GAS6: variants seen among roughly 807,000 people sequenced by gnomAD.
The protein encoded by GAS6 is growth arrest specific 6.
GAS6 carries 41 observed loss-of-function variants against 75.8 expected under a neutral mutation model. That is an observed-to-expected ratio of 0.54 (90% CI 0.42 to 0.70). The LOEUF (loss-of-function observed/expected upper bound fraction) is 0.70. GAS6 is among the 30% of genes least tolerant of loss of function. The probability of loss-of-function intolerance (pLI) is 0.00; values close to 1 mark genes in which losing one functional copy is unlikely to be tolerated. For synonymous variants in GAS6, 432 were observed against 412.6 expected, an observed-to-expected ratio of 1.05 and a Z score of -0.57; for missense variants, 854 against 940.2, an observed-to-expected ratio of 0.91 and a Z score of 1.20.
At position 113,828,126 on chromosome 13, in the gene GAS6, T is replaced by C. The variant is rs375490949; in HGVS notation, c.1308+421A>G. On this transcript the variant is annotated intron_variant, in intron 11 of 14. Transcript: ENST00000327773. ...AAAATACAAAAAAATTAGCCGGACG[T>C]GGTGGCGGGCGCCTGTAGTCCCAGC... Among the ~76,000 whole-genome samples, 76 of 151,962 alleles carry C rather than the reference T, an allele frequency of 5.0e-4. 1 individual carries two copies. In the East Asian group the frequency reaches 9.9e-3, roughly 20 times the overall value.
In GAS6 at chr13:113,821,818, C is replaced by T; in HGVS notation, c.1882+140G>A. On this transcript the variant is annotated intron_variant, in intron 14 of 14. Transcript: ENST00000327773. ...AATAGCCACTAACGACCCACCTGGA[C>T]TTCTCCTTCCTCTTAAAACACAAGT... 4 of 660,156 alleles carry T rather than the reference C, an allele frequency of 6.1e-6. No homozygotes were observed. In the South Asian group the frequency reaches 8.4e-5, roughly 14 times the overall value. 40.9% of individuals were successfully genotyped at this position (660,156 alleles called of 1,614,324 possible). A position where few individuals can be genotyped will look rare whatever the true frequency, so the allele number is the denominator to read the frequency against.
intron 14 of GAS6, chr13:113,821,282 A>C: frequency 1.9e-6 from 1 of 519,748 alleles, no homozygotes; most frequent in Non-Finnish European, 3.5e-6. Flanking sequence ...GTTAAACGTG[A>C]TCTTCTTCTG....
At chr13:113,824,578 G>A (rs1320651188) in intron 12 of GAS6, among the ~76,000 whole-genome samples, 1 of 152,202 alleles carries the variant, frequency 6.6e-6, no homozygotes. Flanking sequence ...CCAAAGTCCT[G>A]ATAAAGAAGC....
At chr13:113,862,158 T>C (rs2051976497) in intron 2 of GAS6, among the ~76,000 whole-genome samples, 1 of 152,170 alleles carries the variant, frequency 6.6e-6, no homozygotes, top group Non-Finnish European at 1.5e-5. Flanking sequence ...GCACAGTACA[T>C]CCAGGCAGCG....
rs1237079905 is a variant in GAS6, at chr13:113,845,919, G to A, written c.343+608C>T. On this transcript the variant is annotated intron_variant, in intron 4 of 14. Coordinates refer to ENST00000327773, the MANE Select transcript of GAS6 (RefSeq NM_000820.4). The surrounding 1 kb of genome is among the most constrained non-coding windows in gnomAD (Gnocchi z 4.3). ...AAGGAAACATGAGGACTGCCTCTGC[G>A]ATTCCATCCTTGGGAACGCATCCCG... Among the ~76,000 whole-genome samples, 2 of 152,222 alleles carry A rather than the reference G, an allele frequency of 1.3e-5. No homozygotes were observed. The highest frequency in any genetic ancestry group is 4.8e-5 in the African/African-American group (2 of 41,446).
At chr13:113,847,775 C>G (rs984383201) in intron 3 of GAS6, 4 of 523,214 alleles carry the variant, frequency 7.6e-6, no homozygotes, top group African/African-American at 1.9e-5. Flanking sequence ...AGCCTGGCAT[C>G]AACTCAGAGA....
chr13:113,839,955 G>A, intron 4 of GAS6, 105 bp from the exon 5 acceptor site: 2 of 1,544,596 alleles, frequency 1.3e-6, no homozygotes, highest in Admixed American at 1.8e-5. Flanking sequence ...CCAGCCCGGA[G>A]GAGCTCTGAG....
chr13:113,839,698 G>C (rs2051755188), intron 5 of GAS6, 30 bp downstream of exon 5: 1 of 1,610,522 alleles, frequency 6.2e-7, no homozygotes, highest in South Asian at 1.1e-5. Flanking sequence ...GATGGAGGGA[G>C]ACCCCGCCTT....
At chr13:113,860,878 G>A (rs1049207191) in intron 2 of GAS6, among the ~76,000 whole-genome samples, 1 of 152,166 alleles carries the variant, frequency 6.6e-6, no homozygotes, top group Non-Finnish European at 1.5e-5. Flanking sequence ...CTTAGTATCC[G>A]CCTGCTGGAA....
At chr13:113,852,421 G>A (rs1242124019) in intron 2 of GAS6, among the ~76,000 whole-genome samples, 4 of 152,214 alleles carry the variant, frequency 2.6e-5, no homozygotes, top group African/African-American at 9.6e-5. Flanking sequence ...GGTTTCGTAA[G>A]CATGGAGGAA....
At chr13:113,852,668 G>T (rs1305224257) in intron 2 of GAS6, among the ~76,000 whole-genome samples, 1 of 151,728 alleles carries the variant, frequency 6.6e-6, no homozygotes, top group Non-Finnish European at 1.5e-5. Context: ...GTCCACCTCC[G>T]CCCCTGCCCT....
In GAS6 at chr13:113,844,523, G is replaced by T. The variant is rs1297511109; in HGVS notation, c.343+2004C>A. The T allele has an allele frequency of 6.6e-6, 1 of 150,624 alleles. No individual in the cohort carries two copies. Among genetic ancestry groups the T allele is most frequent in the African/African-American group, 2.5e-5 (1 of 40,010 alleles). 9.3% of individuals were successfully genotyped at this position (150,624 alleles called of 1,614,324 possible). On this transcript the variant is annotated intron_variant, in intron 4 of 14. Transcript: ENST00000327773. The surrounding 1 kb of genome is among the most constrained non-coding windows in gnomAD (Gnocchi z 5.7). ...ACAGGACGGTGCCGGGGTTAGGAAA[G>T]CGCAACACTGTTCAGACACAGTCTC...
chr13:113,846,560 T>C lies in GAS6; in HGVS notation c.310A>G (p.Thr104Ala). The C allele has an allele frequency of 6.2e-7, 1 of 1,613,972 alleles. No homozygotes were observed. The highest frequency in any genetic ancestry group is 8.5e-7 in the Non-Finnish European group (1 of 1,179,986). The change falls in exon 4 of 15, where the codon ACC (threonine) becomes GCC (alanine). Residue 104 changes from threonine (T) to alanine (A), a missense_variant. By Grantham distance (58) the Thr-to-Ala change is moderately conservative (BLOSUM62 0). Coordinates refer to ENST00000327773, the MANE Select transcript of GAS6 (RefSeq NM_000820.4). ...CAGGTGGCGAAGCCTGAGTTTTTGGTGTACGGAGACCCATACTTGTTGATG... is the reference window on the plus strand; with the variant it reads ...CAGGTGGCGAAGCCTGAGTTTTTGGCGTACGGAGACCCATACTTGTTGATG... Reference protein sequence around the residue: ...DCINKYGSPYTKNSGFATCVQ... With the variant: ...DCINKYGSPYAKNSGFATCVQ...
Position 113,842,486 on chromosome 13 carries a change from G to A in GAS6, c.344-2636C>T, listed in dbSNP as rs979311965. 5.6e-5 allele frequency: 22 copies of A among 395,682 alleles called. 2 individuals carry two copies. The highest frequency in any genetic ancestry group is 2.2e-4 in the Admixed American group (5 of 22,696). 24.5% of individuals were successfully genotyped at this position (395,682 alleles called of 1,614,324 possible). A position where few individuals can be genotyped will look rare whatever the true frequency, so the allele number is the denominator to read the frequency against. On this transcript the variant is annotated intron_variant, in intron 4 of 14. Coordinates refer to ENST00000327773, the MANE Select transcript of GAS6 (RefSeq NM_000820.4). The stretch of plus-strand genomic sequence containing the variant: ...GGGCCCCATCCCTGACACTGCTGTC[G>A]CCCGGCTGTACCTGGGTGCTGTGTC...
chr13:113,826,700 C>T lies in GAS6; in HGVS notation c.1477+296G>A, dbSNP rs1365411515. Among the ~76,000 whole-genome samples the T allele has an allele frequency of 1.6e-4, 23 of 141,060 alleles. 1 individual carries two copies. The highest frequency in any genetic ancestry group is 6.3e-4 in the East Asian group (3 of 4,788). 92.5% of individuals were successfully genotyped at this position (141,060 alleles called of 152,430 possible). ...CTCTCCCCCGCCTCCTGGCGCCGGCCTCGCAGGCACCTTCTCTCCCCGGCC... is the reference window on the plus strand; with the variant it reads ...CTCTCCCCCGCCTCCTGGCGCCGGCTTCGCAGGCACCTTCTCTCCCCGGCC... On this transcript the variant is annotated intron_variant, in intron 12 of 14. Coordinates refer to ENST00000327773, the MANE Select transcript of GAS6 (RefSeq NM_000820.4).
Position 113,843,044 on chromosome 13 carries a change from G to T in GAS6, c.344-3194C>A, listed in dbSNP as rs1052822489. 4 of 392,112 alleles carry T rather than the reference G, an allele frequency of 1.0e-5. 1 individual carries two copies. Among genetic ancestry groups the T allele is most frequent in the African/African-American group, 8.5e-5 (4 of 46,818 alleles). 24.3% of individuals were successfully genotyped at this position (392,112 alleles called of 1,614,324 possible). ...GATGCAAGGACGGAACCACACCTGA[G>T]GGGTGGACAGTCAGCCGGTGCCCAG... On this transcript the variant is annotated intron_variant, in intron 4 of 14. Transcript: ENST00000327773.
At chr13:113,854,925 CG>C (rs768053888) in intron 2 of GAS6, among the ~76,000 whole-genome samples, 100 of 152,142 alleles carry the variant, frequency 6.6e-4, no homozygotes, top group Non-Finnish European at 1.3e-3. Flanking sequence ...GAGCAGAGGG[CG>C]GGGAGGAGGA....
chr13:113,831,593 A>C (rs2051631320), intron 10 of GAS6, among the ~76,000 whole-genome samples: 1 of 151,976 alleles, frequency 6.6e-6, no homozygotes, highest in African/African-American at 2.4e-5. Flanking sequence ...CACGGGTTCT[A>C]CCTGAGCCAG....
Position 113,844,485 on chromosome 13 carries a change from C to A in GAS6, c.343+2042G>T, listed in dbSNP as rs2051817098. The A allele has an allele frequency of 6.6e-6, 1 of 150,592 alleles. No homozygotes were observed. The highest frequency in any genetic ancestry group is 6.6e-5 in the Admixed American group (1 of 15,242). The allele number at this position is 150,592 out of a possible 1,614,324, so 9.3% of individuals were successfully genotyped here. ...CACGGGACGCACAGGAAGAAAAGTG[C>A]TCCAAGGGACGGACAGGACGGTGCC... On this transcript the variant is annotated intron_variant, in intron 4 of 14. Transcript: ENST00000327773. The surrounding 1 kb of genome is among the most constrained non-coding windows in gnomAD (Gnocchi z 5.7).
Sources: allele counts gnomAD v4.1 joint callset (sites outside exome capture counted in the v4.1 genomes callset), GRCh38; gene constraint gnomAD v4.1.1; non-coding constraint Gnocchi (gnomAD v3.1); transcripts MANE v1.5; gene names NCBI Gene and HGNC (gene_info 2026-07-23, HGNC 2026-07-21).